The following POGLUT2 variants were observed in gnomAD, a reference collection of about 807,000 sequenced individuals.
POGLUT2 encodes the protein ER protein 58.
A neutral mutation model predicts 57.6 loss-of-function variants in POGLUT2; 47 were observed. The observed-to-expected ratio is 0.82, with a 90% CI of 0.65 to 1.04. POGLUT2 has a LOEUF of 1.04. POGLUT2 is among the 50% of genes least tolerant of loss of function. The pLI is 0.00. For missense variants in POGLUT2, 565 were observed against 614.8 expected (o/e 0.92, Z 0.86); for synonymous variants, 200 against 218.8 (o/e 0.91, Z 0.76).
In POGLUT2 at chr13:102,784,498, G is replaced by T. The variant is rs768764925; in HGVS notation, c.1506C>A (p.Leu502=). 5 of 1,551,044 alleles carry T rather than the reference G, an allele frequency of 3.2e-6. No individual in the cohort carries two copies. Among genetic ancestry groups the T allele is most frequent in the Non-Finnish European group, 4.4e-6 (5 of 1,128,790 alleles). ...TCHRKKTKDE[L] ...CTAATAGAAGTTATTTTGCATATCA[G>T]AGTTCATCTTTGGTCTGCAATTAAG... Residue 502 remains leucine, a synonymous_variant, in exon 10 of 10, where the codon CTC becomes CTA. Transcript: ENST00000376004.
rs534373765 is a variant in POGLUT2, at chr13:102,791,348, G to A, written c.755C>T (p.Pro252Leu). The A allele has an allele frequency of 1.5e-5, 25 of 1,612,966 alleles. No individual in the cohort carries two copies. Among genetic ancestry groups the A allele is most frequent in the Middle Eastern group, 1.7e-4 (1 of 6,056 alleles). Residue 252 changes from proline (P) to leucine (L), a missense_variant, in exon 5 of 10, where the codon CCG becomes CTG. By Grantham distance (98) the Pro-to-Leu change is moderately conservative. Coordinates refer to ENST00000376004, the MANE Select transcript of POGLUT2 (RefSeq NM_024089.3). ...TGTGGAGCCACACCAGGAAAAGATC[G>A]GATGGATGTTTGAATTGGATTTCTT... ...EKKKSNSNIH[P>L]IFSWCGSTDS...
At position 102,786,507 on chromosome 13, in the gene POGLUT2, T is replaced by C. The variant is rs550079414; in HGVS notation, c.1384-168A>G. 1.3e-3 allele frequency among the ~76,000 whole-genome samples: 193 copies of C among 152,338 alleles called. 2 individuals are homozygous for C. Among genetic ancestry groups the C allele is most frequent in the African/African-American group, 3.6e-3 (149 of 41,592 alleles). On this transcript the variant is annotated intron_variant, in intron 8 of 9. Coordinates refer to ENST00000376004, the MANE Select transcript of POGLUT2 (RefSeq NM_024089.3). Reference sequence around the variant, plus strand: ...TTCTGAACATCAACAGTAGAGCATCTGAGAGGAGGCCATCCTTTGAACACT... The same window carrying C: ...TTCTGAACATCAACAGTAGAGCATCCGAGAGGAGGCCATCCTTTGAACACT...
chr13:102,793,757 G>A lies in POGLUT2; in HGVS notation c.438C>T (p.Ala146=). The A allele has an allele frequency of 6.2e-7, 1 of 1,614,198 alleles. No homozygotes were observed. Among genetic ancestry groups the A allele is most frequent in the Non-Finnish European group, 8.5e-7 (1 of 1,180,032 alleles). The change falls in exon 3 of 10, where the codon GCC becomes GCT. Residue 146 remains alanine (A), a synonymous_variant. Coordinates refer to ENST00000376004, the MANE Select transcript of POGLUT2 (RefSeq NM_024089.3). ...CAGGGCAGTTCATCTCCCGTAGCCA[G>A]GCTGCACTATCTTGCAGAGGACAGT... is the stretch of plus-strand genomic sequence containing the variant. The part of the protein sequence containing the change: ...NCDCPLQDSA[A]WLREMNCPET...
chr13:102,791,032 C>A lies in POGLUT2; in HGVS notation c.952G>T (p.Glu318Ter). Residue 318 changes from glutamate (E) to a stop codon, truncating the protein, a stop_gained, in exon 6 of 10, where the codon GAG becomes TAG. Transcript: ENST00000376004. LOFTEE classifies it high-confidence loss of function. Reference protein sequence around the residue: ...RGRDSRKERLELVKLSRKHPE... With the variant: ...RGRDSRKERL ...TGTTTTCTACTGAGTTTAACCAGCT[C>A]GAGTCTCTCTTTGCGGCTGTCTCGC... 6.2e-7 allele frequency: 1 copy of A among 1,614,138 alleles called. No individual in the cohort carries two copies. Among genetic ancestry groups the A allele is most frequent in the Non-Finnish European group, 8.5e-7 (1 of 1,180,004 alleles).
intron 6 of POGLUT2, among the ~76,000 whole-genome samples, chr13:102,790,699 G>A (rs141342937): frequency 3.9e-5 from 6 of 152,196 alleles, no homozygotes; most frequent in South Asian, 2.1e-4. Context: ...CCCTTGATGC[G>A]CATTTAATAT....
chr13:102,796,521 C>T (rs1195782647), intron 2 of POGLUT2, among the ~76,000 whole-genome samples: 2 of 150,746 alleles, frequency 1.3e-5, no homozygotes, highest in Non-Finnish European at 3.0e-5. Context: ...ATGAACACAG[C>T]TTGATTATTC....
Position 102,792,366 on chromosome 13 carries a change from C to A in POGLUT2, c.673-936G>T, listed in dbSNP as rs79772232. ...TAGAACCCAACAAAAGCCCATTATC[C>A]CAAGGAATGGGATTCAGTACAAGGC... On this transcript the variant is annotated intron_variant, in intron 4 of 9. Coordinates refer to ENST00000376004, the MANE Select transcript of POGLUT2 (RefSeq NM_024089.3). Among the ~76,000 whole-genome samples, 46 of 152,238 alleles carry A rather than the reference C, an allele frequency of 3.0e-4. 1 individual carries two copies. In the East Asian group the frequency reaches 8.3e-3, roughly 27 times the overall value.
At chr13:102,785,753 G>C (rs1877915059) in intron 9 of POGLUT2, among the ~76,000 whole-genome samples, 1 of 152,166 alleles carries the variant, frequency 6.6e-6, no homozygotes, top group Admixed American at 6.5e-5. Context: ...ATGTGAATCT[G>C]ACTTTCATTT....
rs1334243984 is a variant in POGLUT2 at position 102,793,794 on chromosome 13, T to C, written c.401A>G (p.His134Arg). The change falls in exon 3 of 10, where the codon CAT becomes CGT. Residue 134 changes from histidine (H) to arginine (R), a missense_variant. His to Arg is a conservative substitution (Grantham distance 29). Transcript: ENST00000376004. The stretch of plus-strand genomic sequence containing the variant: ...TTGCAGAGGACAGTCACAGTTCTCA[T>C]GGTAAACCGGCCCTATTTACATAAG... ...SPYILKGPVYHENCDCPLQDS... is the reference protein window; with the variant it reads ...SPYILKGPVYRENCDCPLQDS... 6.2e-7 allele frequency: 1 copy of C among 1,614,134 alleles called. No homozygotes were observed. The highest frequency in any genetic ancestry group is 1.1e-5 in the South Asian group (1 of 91,084).
intron 4 of POGLUT2, chr13:102,791,892 G>A: frequency 1.2e-6 from 1 of 835,060 alleles, no homozygotes; most frequent in South Asian, 1.5e-5. Flanking sequence ...CTGGCAAATG[G>A]CATGAATATG....
At position 102,798,496 on chromosome 13, in the gene POGLUT2, C is replaced by T; in HGVS notation, c.175G>A (p.Gly59Arg). The T allele has an allele frequency of 1.3e-6, 2 of 1,597,894 alleles. No homozygotes were observed. Among genetic ancestry groups the T allele is most frequent in the Non-Finnish European group, 1.7e-6 (2 of 1,171,818 alleles). ...AGCCGTTTCTCGACTTACTTATTCCCTGATGTATCCACTGCCTGAATATAG... is the reference window on the plus strand; with the variant it reads ...AGCCGTTTCTCGACTTACTTATTCCTTGATGTATCCACTGCCTGAATATAG... Reference protein sequence around the residue: ...YFYIQAVDTSGNKFTSSPGEK... With the variant: ...YFYIQAVDTSRNKFTSSPGEK... Residue 59 changes from glycine to arginine, a missense_variant, in exon 1 of 10, where the codon GGG (glycine) becomes AGG (arginine). Transcript: ENST00000376004.
chr13:102,792,673 G>A (rs1878225572), intron 4 of POGLUT2, among the ~76,000 whole-genome samples: 1 of 152,130 alleles, frequency 6.6e-6, no homozygotes. Context: ...AGGCAGAGAT[G>A]GGAGGATGCA....
chr13:102,794,112 C>T (rs1878286726), intron 2 of POGLUT2, among the ~76,000 whole-genome samples: 1 of 151,976 alleles, frequency 6.6e-6, no homozygotes, highest in Non-Finnish European at 1.5e-5. Flanking sequence ...TGGCATGCAC[C>T]TGTGGTTTCA....
intron 6 of POGLUT2, among the ~76,000 whole-genome samples, chr13:102,790,385 G>A (rs751848057): frequency 1.3e-5 from 2 of 152,090 alleles, no homozygotes; most frequent in African/African-American, 2.4e-5. Context: ...CCTTATAAAA[G>A]GAGTTGTTAG....
intron 4 of POGLUT2, 107 bp from the exon 5 acceptor site, chr13:102,791,537 T>C: frequency 9.7e-7 from 1 of 1,027,024 alleles, no homozygotes; most frequent in South Asian, 1.6e-5. Context: ...CAATGTTACA[T>C]GTTTCAGGTA....
chr13:102,798,286 T>G (rs1316799449), intron 1 of POGLUT2, among the ~76,000 whole-genome samples: 5 of 152,224 alleles, frequency 3.3e-5, no homozygotes, highest in Non-Finnish European at 5.9e-5. Flanking sequence ...GCTAGGAGAT[T>G]ATTTTATATG....
intron 1 of POGLUT2, 32 bp downstream of exon 1, chr13:102,798,457 C>A: frequency 6.6e-7 from 1 of 1,505,430 alleles, no homozygotes; most frequent in Non-Finnish European, 8.9e-7. Context: ...AACCGCCATC[C>A]AAAATAGGTA....
chr13:102,797,119 A>G (rs1225551126), intron 1 of POGLUT2, 110 bp from the exon 2 acceptor site: 2 of 687,734 alleles, frequency 2.9e-6, no homozygotes, highest in Non-Finnish European at 5.1e-6. Context: ...TTCTTCCTCT[A>G]ACATATGATT....
At chr13:102,791,489 T>G in intron 4 of POGLUT2, 59 bp from the exon 5 acceptor site, 1 of 1,429,394 alleles carries the variant, frequency 7.0e-7, no homozygotes, top group Non-Finnish European at 9.4e-7. Flanking sequence ...ATACATTGTA[T>G]TTATCAATTT....
Sources: gnomAD v4.1 joint callset for allele counts (sites outside exome capture counted in the v4.1 genomes callset) on GRCh38, gnomAD v4.1.1 for gene constraint, MANE v1.5 for transcripts, NCBI Gene and HGNC (gene_info 2026-07-23, HGNC 2026-07-21) for gene names.